Variants in CTNNA2 observed in about 807,000 individuals in gnomAD.
CTNNA2 encodes catenin alpha 2.
Under a neutral mutation model 101.0 loss-of-function variants are expected in CTNNA2, and 42 were observed. The ratio of observed to expected loss-of-function variants is 0.42; its 90% CI spans 0.32 to 0.54. The LOEUF is 0.54. Ranked by LOEUF, CTNNA2 falls within the 20% of genes least tolerant of loss-of-function variation. The pLI is 0.14. For missense variants in CTNNA2, 871 were observed against 1,223.1 expected (o/e 0.71, Z 4.29); for synonymous variants, 450 against 456.4 (o/e 0.99, Z 0.18).
intron 4 of CTNNA2, among the ~76,000 whole-genome samples, chr2:79,438,485 T>G (rs745837403): frequency 2.1e-4 from 32 of 152,158 alleles, no homozygotes; most frequent in Non-Finnish European, 3.2e-4. Flanking sequence ...GGTTTTTTAA[T>G]GTCATTAGTG....
At chr2:79,224,330 T>C (rs1391381097) in intron 2 of CTNNA2, among the ~76,000 whole-genome samples, 1 of 152,154 alleles carries the variant, frequency 6.6e-6, no homozygotes, top group Non-Finnish European at 1.5e-5. Flanking sequence ...GTATTAACAT[T>C]ATTTTCAACG....
intron 9 of CTNNA2, among the ~76,000 whole-genome samples, chr2:80,503,489 C>T (rs958761891): frequency 4.6e-5 from 7 of 152,242 alleles, no homozygotes; most frequent in South Asian, 4.1e-4. Flanking sequence ...GGACCTAATT[C>T]GTATGAAGTG....
chr2:80,171,298 G>T (rs1356168882), intron 7 of CTNNA2, among the ~76,000 whole-genome samples: 2 of 152,216 alleles, frequency 1.3e-5, no homozygotes, highest in African/African-American at 4.8e-5. Flanking sequence ...GACTAAAAAT[G>T]AAGGTGCTGA....
chr2:79,542,486 T>G (rs1002416785), intron 1 of CTNNA2, among the ~76,000 whole-genome samples: 1 of 152,154 alleles, frequency 6.6e-6, no homozygotes, highest in Non-Finnish European at 1.5e-5. Flanking sequence ...AATGTCTCAA[T>G]TTTTTTGTCT....
intron 7 of CTNNA2, among the ~76,000 whole-genome samples, chr2:80,062,022 C>G (rs1369382987): frequency 6.6e-6 from 1 of 152,196 alleles, no homozygotes; most frequent in Non-Finnish European, 1.5e-5. Flanking sequence ...AGGCTTTCAG[C>G]CTGTCTGCAT....
chr2:80,116,428 A>G (rs982656923), intron 7 of CTNNA2, among the ~76,000 whole-genome samples: 1 of 152,016 alleles, frequency 6.6e-6, no homozygotes, highest in South Asian at 2.1e-4. Context: ...ATTTAGAAAG[A>G]TAGCACTCTT....
chr2:80,346,130 G>A (rs765078540), intron 7 of CTNNA2, among the ~76,000 whole-genome samples: 6 of 152,190 alleles, frequency 3.9e-5, no homozygotes, highest in Non-Finnish European at 8.8e-5. Flanking sequence ...AATTTCGCTA[G>A]CATAATTTTA....
intron 13 of CTNNA2, among the ~76,000 whole-genome samples, chr2:80,578,171 A>G (rs1695226171): frequency 6.6e-6 from 1 of 152,168 alleles, no homozygotes; most frequent in Non-Finnish European, 1.5e-5. Flanking sequence ...CTTTTAGGAG[A>G]GAATCTGGAG....
chr2:79,404,408 T>C (rs1678320591), intron 4 of CTNNA2, among the ~76,000 whole-genome samples: 1 of 152,038 alleles, frequency 6.6e-6, no homozygotes, highest in Non-Finnish European at 1.5e-5. Flanking sequence ...TACTTGGAGG[T>C]AATTCTTCTA....
intron 15 of CTNNA2, among the ~76,000 whole-genome samples, chr2:80,598,916 A>T (rs1697228115): frequency 6.6e-6 from 1 of 152,216 alleles, no homozygotes; most frequent in Non-Finnish European, 1.5e-5. Context: ...TTGTGGTAAT[A>T]GTACGGTTCT....
intron 2 of CTNNA2, among the ~76,000 whole-genome samples, chr2:79,243,580 GA>G: frequency 6.6e-6 from 1 of 152,252 alleles, no homozygotes; most frequent in South Asian, 2.1e-4. Context: ...TTGTGGTGGT[GA>G]AAACACAAAT....
intron 2 of CTNNA2, among the ~76,000 whole-genome samples, chr2:79,273,466 T>C (rs1675135508): frequency 6.6e-6 from 1 of 152,090 alleles, no homozygotes; most frequent in Non-Finnish European, 1.5e-5. Context: ...AAAGAGATCA[T>C]TCTATTTATA....
chr2:79,796,145 C>T (rs1675677871), intron 3 of CTNNA2, among the ~76,000 whole-genome samples: 1 of 152,090 alleles, frequency 6.6e-6, no homozygotes, highest in African/African-American at 2.4e-5. Flanking sequence ...TATAAAGGGG[C>T]CCTGGACAGG....
chr2:79,193,773 A>G (rs1293896736), intron 1 of CTNNA2, among the ~76,000 whole-genome samples: 2 of 152,204 alleles, frequency 1.3e-5, no homozygotes, highest in Non-Finnish European at 2.9e-5. Flanking sequence ...ATAGGTAAAC[A>G]TCTTTGTCTC....
intron 4 of CTNNA2, among the ~76,000 whole-genome samples, chr2:79,496,820 AT>A (rs141714137): frequency 0.011 from 1,651 of 152,258 alleles, 27 homozygotes; most frequent in African/African-American, 0.035. Context: ...AAATAAAAAA[AT>A]ATTAAACTTA....
chr2:80,259,804 A>G (rs929058522), intron 7 of CTNNA2, among the ~76,000 whole-genome samples: 3 of 152,234 alleles, frequency 2.0e-5, no homozygotes, highest in Non-Finnish European at 4.4e-5. Context: ...TTACTAAGTA[A>G]TAATGGACAA....
chr2:79,387,425 T>G (rs534976113), intron 4 of CTNNA2, among the ~76,000 whole-genome samples: 113 of 152,312 alleles, frequency 7.4e-4, no homozygotes, highest in Non-Finnish European at 1.4e-3. Flanking sequence ...CCATCATGGG[T>G]CACATTTTCC....
At chr2:79,403,884 G>C (rs1280009559) in intron 4 of CTNNA2, among the ~76,000 whole-genome samples, 2 of 151,948 alleles carry the variant, frequency 1.3e-5, no homozygotes, top group East Asian at 3.9e-4. Flanking sequence ...ATTAAGAATA[G>C]ATATCCTAGC....
chr2:79,480,489 A>C, intron 4 of CTNNA2, among the ~76,000 whole-genome samples: 1 of 152,106 alleles, frequency 6.6e-6, no homozygotes. Context: ...TATCCCTTAA[A>C]TTATTGGTTC....
Sources: gnomAD v4.1 joint callset for allele counts (sites outside exome capture counted in the v4.1 genomes callset) on GRCh38, gnomAD v4.1.1 for gene constraint, MANE v1.5 for transcripts, NCBI Gene and HGNC (gene_info 2026-07-23, HGNC 2026-07-21) for gene names.